Variants in TASP1 observed in about 807,000 individuals in gnomAD.
TASP1 encodes the protein threonine aspartase 1.
In TASP1, 16 loss-of-function variants were observed where a neutral mutation model predicts 56.6. The ratio of observed to expected loss-of-function variants is 0.28; its 90% CI spans 0.19 to 0.43. The LOEUF (loss-of-function observed/expected upper bound fraction) is 0.43, where lower values mean the gene tolerates loss of function less well. TASP1 is among the 20% of genes least tolerant of loss of function. TASP1 has a pLI of 1.00. For missense variants in TASP1, 393 were observed against 511.6 expected, an observed-to-expected ratio of 0.77 and a Z score of 2.24; for synonymous variants, 179 against 184.2, an observed-to-expected ratio of 0.97 and a Z score of 0.23.
At chr20:13,560,087 A>G (rs2046293851) in intron 7 of TASP1, among the ~76,000 whole-genome samples, 1 of 152,212 alleles carries the variant, frequency 6.6e-6, no homozygotes, top group Non-Finnish European at 1.5e-5. Flanking sequence ...CAATCAATCA[A>G]TAAAATAATC....
the TASP1 span, among the ~76,000 whole-genome samples, chr20:13,173,397 T>A: frequency 8.5e-5 from 13 of 152,174 alleles, no homozygotes; most frequent in African/African-American, 3.1e-4. Flanking sequence ...GGTCAGCAGG[T>A]TAGACCAGTT....
the TASP1 span, among the ~76,000 whole-genome samples, chr20:13,189,375 A>C: frequency 1.3e-5 from 2 of 152,336 alleles, no homozygotes; most frequent in Non-Finnish European, 2.9e-5. Context: ...TACAACCTAC[A>C]GAATAGGAGA....
At chr20:13,334,368 T>C in the TASP1 span, among the ~76,000 whole-genome samples, 2 of 152,238 alleles carry the variant, frequency 1.3e-5, no homozygotes, top group Non-Finnish European at 2.9e-5. Context: ...TTGAAATGTG[T>C]AGGACTGTTT....
the TASP1 span, among the ~76,000 whole-genome samples, chr20:13,172,142 T>C: frequency 6.6e-6 from 1 of 152,060 alleles, no homozygotes; most frequent in African/African-American, 2.4e-5. Flanking sequence ...TGAGAAAGCA[T>C]TATAATCCCT....
At chr20:13,362,619 C>T in the TASP1 span, among the ~76,000 whole-genome samples, 10 of 151,602 alleles carry the variant, frequency 6.6e-5, no homozygotes, top group Admixed American at 4.6e-4. Context: ...CTGCCTGCAC[C>T]CAGGTGAAAT....
chr20:13,231,436 C>T, the TASP1 span, among the ~76,000 whole-genome samples: 1 of 152,244 alleles, frequency 6.6e-6, no homozygotes, highest in East Asian at 1.9e-4. Flanking sequence ...GGTCCTTTTT[C>T]TCCTGAGATG....
the TASP1 span, among the ~76,000 whole-genome samples, chr20:13,194,543 ATGTGTGTGTGTGTG>A: frequency 0.017 from 2,472 of 142,390 alleles, 37 homozygotes; most frequent in South Asian, 0.034. Context: ...TCACCAAGAA[ATGTGTGTGTGTGTG>A]TGTGTGTGTG....
the TASP1 span, among the ~76,000 whole-genome samples, chr20:13,179,406 C>CGTGT: frequency 6.3e-3 from 909 of 143,488 alleles, 8 homozygotes; most frequent in Middle Eastern, 0.014. Flanking sequence ...GAATTATGTG[C>CGTGT]GTGTGTGTGT....
the TASP1 span, among the ~76,000 whole-genome samples, chr20:13,174,542 T>C: frequency 6.6e-6 from 1 of 151,748 alleles, no homozygotes; most frequent in African/African-American, 2.4e-5. Flanking sequence ...TACAAAAAAT[T>C]TAAAAAATTA....
chr20:13,410,954 A>G (rs2042075796), intron 13 of TASP1, among the ~76,000 whole-genome samples: 1 of 152,078 alleles, frequency 6.6e-6, no homozygotes, highest in African/African-American at 2.4e-5. Flanking sequence ...GTAGTTTTAT[A>G]GTTTGGGGCC....
chr20:13,594,155 TAACA>T (rs1311191109), intron 4 of TASP1, among the ~76,000 whole-genome samples: 1 of 152,066 alleles, frequency 6.6e-6, no homozygotes, highest in Non-Finnish European at 1.5e-5. Flanking sequence ...GAAGGAAAAC[TAACA>T]AACAGAAAGA....
intron 4 of TASP1, among the ~76,000 whole-genome samples, chr20:13,594,783 C>A (rs1355594462): frequency 6.6e-6 from 1 of 152,150 alleles, no homozygotes; most frequent in Non-Finnish European, 1.5e-5. Flanking sequence ...CAGAATGGAA[C>A]CAACTTGGAA....
chr20:13,513,930 A>G (rs2146740922), intron 10 of TASP1, among the ~76,000 whole-genome samples: 1 of 152,304 alleles, frequency 6.6e-6, no homozygotes, highest in South Asian at 2.1e-4. Context: ...TATGTAAAAC[A>G]AAGATAAAAA....
the TASP1 span, among the ~76,000 whole-genome samples, chr20:13,192,742 T>C: frequency 6.6e-6 from 1 of 151,910 alleles, no homozygotes; most frequent in Non-Finnish European, 1.5e-5. Context: ...TTTTTTTTTT[T>C]TGTAGAGAAA....
At chr20:13,361,998 C>T in the TASP1 span, among the ~76,000 whole-genome samples, 1 of 150,588 alleles carries the variant, frequency 6.6e-6, no homozygotes, top group Non-Finnish European at 1.5e-5. Flanking sequence ...AGGCCATCAC[C>T]AATCATTCTA....
At chr20:13,393,317 G>A in intron 13 of TASP1, 2 of 759,118 alleles carry the variant, frequency 2.6e-6, no homozygotes, top group South Asian at 1.4e-5. Context: ...GCACTGCCAA[G>A]GCTGTGGGCA....
At chr20:13,263,447 T>C in the TASP1 span, among the ~76,000 whole-genome samples, 1 of 152,142 alleles carries the variant, frequency 6.6e-6, no homozygotes, top group South Asian at 2.1e-4. Flanking sequence ...AAAACTCACT[T>C]TATTCATTCT....
the TASP1 span, among the ~76,000 whole-genome samples, chr20:13,233,582 C>T: frequency 0.021 from 2,907 of 136,558 alleles, 43 homozygotes; most frequent in African/African-American, 0.023. Context: ...GCAACAAGAG[C>T]GAAACTCCAT....
chr20:13,117,744 G>A, the TASP1 span: 71 of 1,593,548 alleles, frequency 4.5e-5, no homozygotes, highest in African/African-American at 8.4e-4. Context: ...GGGCCTGCTT[G>A]TGTCTGTTTA....
Sources: gnomAD v4.1 joint callset for allele counts (sites outside exome capture counted in the v4.1 genomes callset) on GRCh38, gnomAD v4.1.1 for gene constraint, MANE v1.5 for transcripts, NCBI Gene and HGNC (gene_info 2026-07-23, HGNC 2026-07-21) for gene names.